The following PTBP3 variants were observed in gnomAD, a reference collection of about 807,000 sequenced individuals.
The protein encoded by PTBP3 is polypyrimidine tract binding protein 3.
A neutral mutation model predicts 58.7 loss-of-function variants in PTBP3; 20 were observed. The observed-to-expected ratio is 0.34, with a 90% CI of 0.24 to 0.50. PTBP3 has a LOEUF of 0.50. PTBP3 is among the 20% of genes least tolerant of loss of function. The pLI is 0.98. For synonymous variants in PTBP3, 185 were observed against 219.8 expected, an observed-to-expected ratio of 0.84 and a Z score of 1.40; for missense variants, 509 against 637.2, an observed-to-expected ratio of 0.80 and a Z score of 2.17.
chr9:112,223,790 CTA>C lies in PTBP3; in HGVS notation c.*59_*60del. The C allele has an allele frequency of 6.2e-7, 1 of 1,610,598 alleles. No homozygotes were observed. ...AAAATTGGTCTTGAGCTGCTTCAGT[CTA>C]TGTCTGAAGGTTTTACTGAAATTAT... On this transcript the variant is annotated 3_prime_UTR_variant, in exon 14 of 14. Coordinates refer to ENST00000374257, the MANE Select transcript of PTBP3 (RefSeq NM_001163788.4).
the PTBP3 span, among the ~76,000 whole-genome samples, chr9:112,344,180 T>G: frequency 1.3e-5 from 2 of 152,330 alleles, no homozygotes; most frequent in East Asian, 3.9e-4. Context: ...TATTATACCT[T>G]AGTTCTTGTG....
In PTBP3 at chr9:112,240,441, G is replaced by T. The variant is rs139774908; in HGVS notation, c.803-5544C>A. ...ATTGCCCAGTAATGTTATAGCCATT[G>T]TAACACTGTAGTGCAACATATTCCT... On this transcript the variant is annotated intron_variant, in intron 7 of 13. Coordinates refer to ENST00000374257, the MANE Select transcript of PTBP3 (RefSeq NM_001163788.4). Among the ~76,000 whole-genome samples the T allele has an allele frequency of 3.9e-5, 6 of 152,216 alleles. No individual in the cohort carries two copies. In the East Asian group the frequency reaches 9.6e-4, roughly 24 times the overall value.
At chr9:112,231,028 C>T (rs1249275889) in intron 10 of PTBP3, among the ~76,000 whole-genome samples, 3 of 150,734 alleles carry the variant, frequency 2.0e-5, no homozygotes, top group Non-Finnish European at 4.4e-5. Context: ...GGGCTTCCTT[C>T]ACTTCCATGC....
At chr9:112,232,444 G>A (rs1002665772) in intron 8 of PTBP3, among the ~76,000 whole-genome samples, 3 of 152,120 alleles carry the variant, frequency 2.0e-5, no homozygotes, top group Non-Finnish European at 2.9e-5. Context: ...TATACTTAGT[G>A]CTCTATTATC....
the PTBP3 span, among the ~76,000 whole-genome samples, chr9:112,370,912 T>A: frequency 6.6e-6 from 1 of 152,176 alleles, no homozygotes; most frequent in Admixed American, 6.5e-5. Flanking sequence ...ATTAATTTCC[T>A]TTTTGGATTA....
chr9:112,273,025 A>G (rs999135455), intron 3 of PTBP3, among the ~76,000 whole-genome samples: 5 of 152,242 alleles, frequency 3.3e-5, no homozygotes, highest in African/African-American at 1.2e-4. Context: ...TAGAAAAGCC[A>G]TATTAACTGG....
At chr9:112,347,920 ATAT>A in the PTBP3 span, among the ~76,000 whole-genome samples, 1 of 152,210 alleles carries the variant, frequency 6.6e-6, no homozygotes, top group East Asian at 1.9e-4. Flanking sequence ...TATATTACAC[ATAT>A]TTTGAATGTA....
rs949705279 is a variant in PTBP3, at chr9:112,221,217, A to G, written c.*2634T>C. 1 of 984,796 alleles carries G rather than the reference A, an allele frequency of 1.0e-6. No individual in the cohort carries two copies. The highest frequency in any genetic ancestry group is 1.7e-5 in the African/African-American group (1 of 57,220). The allele number at this position is 984,796 out of a possible 1,614,324, so 61.0% of individuals were successfully genotyped here. On this transcript the variant is annotated 3_prime_UTR_variant, in exon 14 of 14. Coordinates refer to ENST00000374257, the MANE Select transcript of PTBP3 (RefSeq NM_001163788.4). ...ATAAATTAAAATGTATGTAATGTGCATATGTATATACAACTTTAGAAGAGT... is the reference window on the plus strand; with the variant it reads ...ATAAATTAAAATGTATGTAATGTGCGTATGTATATACAACTTTAGAAGAGT...
intron 1 of PTBP3, among the ~76,000 whole-genome samples, chr9:112,301,016 C>T (rs1828909846): frequency 6.6e-6 from 1 of 151,734 alleles, no homozygotes; most frequent in South Asian, 2.1e-4. Flanking sequence ...ATAAACTGAA[C>T]TTTGTCAAAT....
chr9:112,263,406 A>G (rs1836677843), intron 4 of PTBP3, among the ~76,000 whole-genome samples: 1 of 152,226 alleles, frequency 6.6e-6, no homozygotes, highest in Non-Finnish European at 1.5e-5. Context: ...TAATCAAGTG[A>G]TCAAAGAGCC....
the PTBP3 span, among the ~76,000 whole-genome samples, chr9:112,374,282 GT>G: frequency 2.6e-5 from 4 of 152,276 alleles, no homozygotes; most frequent in Admixed American, 2.6e-4. Context: ...TGGAATCATT[GT>G]TGTGTCTCCT....
chr9:112,376,198 CGTGTGT>C, the PTBP3 span, among the ~76,000 whole-genome samples: 3 of 4,104 alleles, frequency 7.3e-4, no homozygotes, highest in African/African-American at 1.4e-3. Flanking sequence ...TCCTTATATA[CGTGTGT>C]GTGTGTGTGT....
chr9:112,228,422 T>G lies in PTBP3; in HGVS notation c.1105A>C (p.Asn369His). ...RVKIMFNKKE[N>H]ALVQMADANQ... ...GCATCCGCCATCTGAACCAAGGCAT[T>G]TTCTTTCTTATTAAACATAATCTTC... The change falls in exon 11 of 14, where the codon AAT becomes CAT. Residue 369 changes from asparagine to histidine, a missense_variant. This residue lies in a region of PTBP3 where 135 missense variants were observed against 229.0 expected (regional missense o/e 0.59). Coordinates refer to ENST00000374257, the MANE Select transcript of PTBP3 (RefSeq NM_001163788.4). 2 of 1,608,280 alleles carry G rather than the reference T, an allele frequency of 1.2e-6. No homozygotes were observed. The highest frequency in any genetic ancestry group is 1.7e-6 in the Non-Finnish European group (2 of 1,178,362).
In PTBP3 at chr9:112,223,493, G is replaced by C. The variant is rs1046768617; in HGVS notation, c.*358C>G. On this transcript the variant is annotated 3_prime_UTR_variant, in exon 14 of 14. Transcript: ENST00000374257. ...GTTTAAATTTTTTAAAAGTACAAAT[G>C]AGTTTAGAAATGTTGTATAAGGCTG... 1.1e-6 allele frequency: 1 copy of C among 915,826 alleles called. No homozygotes were observed. Among genetic ancestry groups the C allele is most frequent in the Non-Finnish European group, 1.3e-6 (1 of 762,696 alleles). 56.7% of individuals were successfully genotyped at this position (915,826 alleles called of 1,614,324 possible).
intron 1 of PTBP3, among the ~76,000 whole-genome samples, chr9:112,305,707 G>A (rs1234178615): frequency 2.6e-5 from 4 of 152,118 alleles, no homozygotes; most frequent in Admixed American, 6.6e-5. Context: ...TTGGGAGGCC[G>A]AGGGGGGCGG....
At chr9:112,265,745 T>C (rs1173562780) in intron 4 of PTBP3, among the ~76,000 whole-genome samples, 1 of 152,122 alleles carries the variant, frequency 6.6e-6, no homozygotes, top group African/African-American at 2.4e-5. Flanking sequence ...TCAGCAGGCA[T>C]AGAGTGTGTG....
the PTBP3 span, among the ~76,000 whole-genome samples, chr9:112,349,975 G>A: frequency 6.6e-6 from 1 of 151,282 alleles, no homozygotes; most frequent in Non-Finnish European, 1.5e-5. Context: ...CACACATCTG[G>A]TCACAGAAGT....
At chr9:112,306,584 T>TTG (rs201404724) in intron 1 of PTBP3, among the ~76,000 whole-genome samples, 4 of 106,688 alleles carry the variant, frequency 3.7e-5, no homozygotes, top group Non-Finnish European at 7.7e-5. Context: ...TAATTTAAAT[T>TTG]TGTATATATA....
intron 1 of PTBP3, among the ~76,000 whole-genome samples, chr9:112,319,497 C>A (rs1240182542): frequency 6.6e-6 from 1 of 152,022 alleles, no homozygotes; most frequent in Non-Finnish European, 1.5e-5. Flanking sequence ...ATTAAAACCA[C>A]AAGGAAATAT....
Sources: gnomAD v4.1 joint callset for allele counts (sites outside exome capture counted in the v4.1 genomes callset) on GRCh38, gnomAD v4.1.1 for gene constraint, gnomAD v4.1.1 regional missense constraint, MANE v1.5 for transcripts, NCBI Gene and HGNC (gene_info 2026-07-23, HGNC 2026-07-21) for gene names.